The following EPHA3 variants were observed in gnomAD, a reference collection of about 807,000 sequenced individuals.
EPHA3 encodes ephrin type-A receptor 3.
EPHA3 carries 42 observed loss-of-function variants against 107.1 expected under a neutral mutation model. The observed-to-expected ratio is 0.39, with a 90% CI of 0.31 to 0.51. The LOEUF (loss-of-function observed/expected upper bound fraction) is 0.51, where lower values mean the gene tolerates loss of function less well. Among genes scored for constraint, EPHA3 ranks in the 20% least tolerant of loss-of-function variants. EPHA3 has a pLI of 0.78. For synonymous variants in EPHA3, 461 were observed against 424.8 expected, an observed-to-expected ratio of 1.09 and a Z score of -1.05; for missense variants, 1,183 against 1,211.2, an observed-to-expected ratio of 0.98 and a Z score of 0.35.
At chr3:89,163,261 C>G (rs1345333022) in intron 2 of EPHA3, among the ~76,000 whole-genome samples, 1 of 152,006 alleles carries the variant, frequency 6.6e-6, no homozygotes, top group Admixed American at 6.5e-5. Context: ...ACTTAAGCGC[C>G]TAGTACATAG....
At chr3:89,419,129 T>C in intron 10 of EPHA3, 76 bp from the exon 11 acceptor site, 1 of 1,400,166 alleles carries the variant, frequency 7.1e-7, no homozygotes, top group East Asian at 2.4e-5. Context: ...AATTTTGAAA[T>C]AAAACAGTTG....
At chr3:89,289,794 C>T (rs776522493) in intron 3 of EPHA3, among the ~76,000 whole-genome samples, 10 of 152,006 alleles carry the variant, frequency 6.6e-5, no homozygotes, top group South Asian at 4.2e-4. Context: ...TAAAAGGCTG[C>T]GATTCCTACC....
chr3:89,239,584 T>C (rs1181140895), intron 3 of EPHA3, among the ~76,000 whole-genome samples: 1 of 152,200 alleles, frequency 6.6e-6, no homozygotes, highest in South Asian at 2.1e-4. Context: ...TGGGAATTCA[T>C]AGTAGCATTT....
chr3:89,204,497 C>T (rs1706052000), intron 2 of EPHA3, among the ~76,000 whole-genome samples: 1 of 117,692 alleles, frequency 8.5e-6, no homozygotes, highest in African/African-American at 2.6e-5. Flanking sequence ...CACACACACA[C>T]ACACACACAC....
intron 7 of EPHA3, chr3:89,399,931 C>A: frequency 9.5e-7 from 1 of 1,053,788 alleles, no homozygotes; most frequent in African/African-American, 1.7e-5. Flanking sequence ...TAAGGATTTT[C>A]TAAAATGTGT....
intron 15 of EPHA3, among the ~76,000 whole-genome samples, chr3:89,468,045 G>C (rs1559706937): frequency 1.3e-5 from 2 of 152,142 alleles, no homozygotes; most frequent in Non-Finnish European, 2.9e-5. Context: ...GCTGCTCAAA[G>C]GCCCAGATTC....
At chr3:89,430,001 T>C (rs1197860980) in intron 12 of EPHA3, among the ~76,000 whole-genome samples, 1 of 152,172 alleles carries the variant, frequency 6.6e-6, no homozygotes, top group African/African-American at 2.4e-5. Flanking sequence ...TGACCTCAGA[T>C]GATCCGCCCT....
At chr3:89,258,075 C>T (rs1705327471) in intron 3 of EPHA3, among the ~76,000 whole-genome samples, 1 of 152,164 alleles carries the variant, frequency 6.6e-6, no homozygotes, top group Non-Finnish European at 1.5e-5. Context: ...ATGCCTCATG[C>T]TATGATGCAG....
chr3:89,161,942 A>G (rs553795212), intron 2 of EPHA3, among the ~76,000 whole-genome samples: 1 of 151,738 alleles, frequency 6.6e-6, no homozygotes, highest in African/African-American at 2.4e-5. Flanking sequence ...GCACCACTGC[A>G]CTCCAGCCTG....
chr3:89,302,522 G>T (rs149258270), intron 3 of EPHA3, among the ~76,000 whole-genome samples: 1 of 152,098 alleles, frequency 6.6e-6, no homozygotes, highest in East Asian at 1.9e-4. Flanking sequence ...AGGTGGAAAT[G>T]ATTACAGAAT....
At chr3:89,140,768 T>C (rs1284758239) in intron 2 of EPHA3, among the ~76,000 whole-genome samples, 4 of 151,722 alleles carry the variant, frequency 2.6e-5, no homozygotes, top group African/African-American at 9.7e-5. Context: ...ACCTATCAAA[T>C]TCTTAATAGT....
At chr3:89,359,968 T>A (rs1708058117) in intron 5 of EPHA3, among the ~76,000 whole-genome samples, 1 of 149,844 alleles carries the variant, frequency 6.7e-6, no homozygotes, top group African/African-American at 2.4e-5. Flanking sequence ...TTTCGAGATA[T>A]CATTTAAGCC....
At chr3:89,444,419 G>T (rs1254664825) in intron 13 of EPHA3, among the ~76,000 whole-genome samples, 10 of 151,238 alleles carry the variant, frequency 6.6e-5, no homozygotes, top group African/African-American at 1.9e-4. Context: ...TACAATGTTG[G>T]TTTATTATTC....
intron 3 of EPHA3, among the ~76,000 whole-genome samples, chr3:89,302,112 T>C (rs999110633): frequency 7.2e-5 from 11 of 152,198 alleles, no homozygotes; most frequent in Non-Finnish European, 1.3e-4. Flanking sequence ...CAAATTTTTA[T>C]GTTAGAGGAT....
At chr3:89,134,344 T>A (rs1200597870) in intron 2 of EPHA3, among the ~76,000 whole-genome samples, 2 of 152,020 alleles carry the variant, frequency 1.3e-5, no homozygotes, top group Non-Finnish European at 2.9e-5. Context: ...ATTAGGTATA[T>A]CTCCTAATGC....
chr3:89,350,652 GC>G (rs1188378147), intron 5 of EPHA3, among the ~76,000 whole-genome samples: 6 of 151,202 alleles, frequency 4.0e-5, no homozygotes, highest in African/African-American at 7.3e-5. Flanking sequence ...TTGTTCCATT[GC>G]TGGTGAGGAA....
At chr3:89,146,048 A>G (rs1488981696) in intron 2 of EPHA3, among the ~76,000 whole-genome samples, 2 of 151,898 alleles carry the variant, frequency 1.3e-5, no homozygotes, top group African/African-American at 4.8e-5. Context: ...AGTTACCAGA[A>G]GTCAACAGAG....
intron 2 of EPHA3, among the ~76,000 whole-genome samples, chr3:89,164,246 C>G (rs1027520960): frequency 2.6e-5 from 4 of 152,138 alleles, no homozygotes; most frequent in Admixed American, 2.6e-4. Context: ...TACACTGACA[C>G]TAACAATAGC....
chr3:89,171,528 ACT>A (rs1441049452), intron 2 of EPHA3, among the ~76,000 whole-genome samples: 1 of 152,064 alleles, frequency 6.6e-6, no homozygotes, highest in African/African-American at 2.4e-5. Context: ...AATTTTACAA[ACT>A]CTTCTCACAT....
Sources: allele counts gnomAD v4.1 joint callset (sites outside exome capture counted in the v4.1 genomes callset), GRCh38; gene constraint gnomAD v4.1.1; transcripts MANE v1.5; gene names NCBI Gene and HGNC (gene_info 2026-07-23, HGNC 2026-07-21).